Variants in CADM2 observed in about 807,000 individuals in gnomAD.
CADM2 encodes the protein cell adhesion molecule 2, also known as immunoglobulin superfamily member 4D.
In CADM2, 12 loss-of-function variants were observed where a neutral mutation model predicts 49.8. The ratio of observed to expected loss-of-function variants is 0.24; its 90% confidence interval spans 0.15 to 0.39. The LOEUF (loss-of-function observed/expected upper bound fraction) is 0.39. Ranked by LOEUF, CADM2 falls within the 10% of genes least tolerant of loss-of-function variation. The pLI is 1.00. For synonymous variants in CADM2, 214 were observed against 175.4 expected, an observed-to-expected ratio of 1.22 and a Z score of -1.74; for missense variants, 378 against 492.3, an observed-to-expected ratio of 0.77 and a Z score of 2.20.
intron 1 of CADM2, among the ~76,000 whole-genome samples, chr3:85,475,670 C>A (rs984241350): frequency 3.3e-5 from 5 of 151,798 alleles, no homozygotes; most frequent in Non-Finnish European, 7.4e-5. Flanking sequence ...TATAAATAGT[C>A]TCACCAAATT....
intron 1 of CADM2, among the ~76,000 whole-genome samples, chr3:85,053,963 C>T (rs979702914): frequency 5.3e-5 from 8 of 151,870 alleles, no homozygotes; most frequent in African/African-American, 1.9e-4. Context: ...AAAGAACCTT[C>T]TGTGATATTT....
At chr3:85,536,036 GA>G (rs1172836161) in intron 1 of CADM2, among the ~76,000 whole-genome samples, 1 of 152,052 alleles carries the variant, frequency 6.6e-6, no homozygotes, top group Non-Finnish European at 1.5e-5. Flanking sequence ...TGTAGCACAT[GA>G]AAAAATATAT....
chr3:85,190,084 C>A (rs1458164417), intron 1 of CADM2, among the ~76,000 whole-genome samples: 1 of 151,308 alleles, frequency 6.6e-6, no homozygotes, highest in Non-Finnish European at 1.5e-5. Flanking sequence ...ATAACCTAAT[C>A]TCCGAAATGA....
At chr3:85,188,265 A>G (rs2041112065) in intron 1 of CADM2, among the ~76,000 whole-genome samples, 1 of 152,074 alleles carries the variant, frequency 6.6e-6, no homozygotes, top group African/African-American at 2.4e-5. Context: ...TTTTAGTGCT[A>G]TGTTTATACA....
At chr3:85,650,237 G>C (rs1366580405) in intron 1 of CADM2, among the ~76,000 whole-genome samples, 1 of 152,168 alleles carries the variant, frequency 6.6e-6, no homozygotes, top group Non-Finnish European at 1.5e-5. Flanking sequence ...AGATATTTCT[G>C]TTACCCATTA....
intron 1 of CADM2, among the ~76,000 whole-genome samples, chr3:85,356,811 C>A (rs994438524): frequency 2.6e-5 from 4 of 151,876 alleles, no homozygotes; most frequent in Non-Finnish European, 5.9e-5. Flanking sequence ...TAAAGCAGCA[C>A]CTGGAAGTTT....
chr3:85,653,646 C>T (rs186425958), intron 1 of CADM2, among the ~76,000 whole-genome samples: 10 of 151,794 alleles, frequency 6.6e-5, no homozygotes, highest in African/African-American at 1.9e-4. Context: ...ATATATAAGT[C>T]GGGAGTTCAG....
intron 3 of CADM2, chr3:85,805,634 A>T (rs1008814540): frequency 6.6e-6 from 1 of 152,178 alleles, no homozygotes; most frequent in Admixed American, 6.5e-5. Flanking sequence ...AAGATTCCAT[A>T]TTACAATTTT....
chr3:85,079,560 C>T (rs79135788), intron 1 of CADM2, among the ~76,000 whole-genome samples: 1,668 of 151,768 alleles, frequency 0.011, 24 homozygotes, highest in African/African-American at 0.039. Flanking sequence ...GAAACAGAAA[C>T]ATAGTGTTAG....
chr3:85,547,945 C>T (rs561944394), intron 1 of CADM2, among the ~76,000 whole-genome samples: 21 of 152,180 alleles, frequency 1.4e-4, no homozygotes, highest in Non-Finnish European at 2.6e-4. Flanking sequence ...GAACCCAGGA[C>T]TGCTGAACCT....
At chr3:85,847,648 C>T (rs1446494692) in intron 3 of CADM2, among the ~76,000 whole-genome samples, 2 of 152,110 alleles carry the variant, frequency 1.3e-5, no homozygotes, top group East Asian at 3.9e-4. Flanking sequence ...ACACTAGAAG[C>T]TGTCAAATCG....
intron 1 of CADM2, among the ~76,000 whole-genome samples, chr3:85,027,081 T>TTGTGGTTG (rs555731846): frequency 6.7e-6 from 1 of 149,714 alleles, no homozygotes; most frequent in Non-Finnish European, 1.5e-5. Context: ...TTTTTTGTTG[T>TTGTGGTTG]TGTGGTTGTT....
chr3:85,808,133 C>A (rs2072570627), intron 3 of CADM2, among the ~76,000 whole-genome samples: 1 of 152,128 alleles, frequency 6.6e-6, no homozygotes, highest in African/African-American at 2.4e-5. Context: ...AATTACAATT[C>A]CACTTCATTT....
At chr3:85,226,618 T>A (rs1355746483) in intron 1 of CADM2, among the ~76,000 whole-genome samples, 1 of 152,086 alleles carries the variant, frequency 6.6e-6, no homozygotes, top group East Asian at 1.9e-4. Context: ...TGTGTGTGTG[T>A]CTATCTCCTT....
intron 1 of CADM2, among the ~76,000 whole-genome samples, chr3:85,126,222 T>C (rs1037955069): frequency 6.6e-6 from 1 of 152,136 alleles, no homozygotes; most frequent in Non-Finnish European, 1.5e-5. Flanking sequence ...TTATAATAGG[T>C]AGAATCAGTG....
At chr3:86,005,765 G>A (rs775676400) in intron 8 of CADM2, among the ~76,000 whole-genome samples, 7 of 152,016 alleles carry the variant, frequency 4.6e-5, no homozygotes, top group Non-Finnish European at 1.0e-4. Flanking sequence ...ACACTATTGT[G>A]CTGTCAAATA....
At chr3:85,445,190 C>A (rs1416886502) in intron 1 of CADM2, among the ~76,000 whole-genome samples, 1 of 152,034 alleles carries the variant, frequency 6.6e-6, no homozygotes, top group African/African-American at 2.4e-5. Context: ...AGATAGTATG[C>A]TACAAAGTTA....
intron 1 of CADM2, among the ~76,000 whole-genome samples, chr3:85,417,360 A>T (rs891793384): frequency 6.6e-6 from 1 of 152,124 alleles, no homozygotes; most frequent in African/African-American, 2.4e-5. Context: ...CCTGAAATGT[A>T]CCCTGCACAC....
intron 2 of CADM2, among the ~76,000 whole-genome samples, chr3:85,776,000 A>C (rs1178770315): frequency 6.6e-6 from 1 of 151,936 alleles, no homozygotes; most frequent in Non-Finnish European, 1.5e-5. Flanking sequence ...ACTTTAATGC[A>C]CATATCAATA....
Sources: allele counts gnomAD v4.1 joint callset (sites outside exome capture counted in the v4.1 genomes callset), GRCh38; gene constraint gnomAD v4.1.1; transcripts MANE v1.5; gene names NCBI Gene and HGNC (gene_info 2026-07-23, HGNC 2026-07-21).